Variants in RGS6 observed in about 807,000 individuals in gnomAD.
RGS6 encodes the protein regulator of G protein signaling 6.
A neutral mutation model predicts 78.5 loss-of-function variants in RGS6; 30 were observed. The observed-to-expected ratio is 0.38, with a 90% confidence interval of 0.29 to 0.52. The LOEUF (loss-of-function observed/expected upper bound fraction) is 0.52, where lower values mean the gene tolerates loss of function less well. Among genes scored for constraint, RGS6 ranks in the 20% least tolerant of loss-of-function variants. The probability of loss-of-function intolerance (pLI) is 0.85; values close to 1 mark genes in which losing one functional copy is unlikely to be tolerated. For missense variants in RGS6, 495 were observed against 609.7 expected (o/e 0.81, Z 1.98); for synonymous variants, 206 against 206.0 (o/e 1.00, Z 0.00).
intron 2 of RGS6, among the ~76,000 whole-genome samples, chr14:72,032,013 A>T (rs2090976149): frequency 6.6e-6 from 1 of 152,186 alleles, no homozygotes; most frequent in Non-Finnish European, 1.5e-5. Context: ...TACTTAAACT[A>T]ATCCTAGATT....
intron 2 of RGS6, among the ~76,000 whole-genome samples, chr14:72,097,014 A>G (rs759695035): frequency 1.3e-5 from 2 of 152,172 alleles, no homozygotes; most frequent in Non-Finnish European, 2.9e-5. Context: ...TGAACCCAGA[A>G]TGTGAAGAGT....
chr14:72,480,026 T>C (rs2096336358), intron 12 of RGS6, among the ~76,000 whole-genome samples: 2 of 152,202 alleles, frequency 1.3e-5, no homozygotes, highest in African/African-American at 4.8e-5. Flanking sequence ...TCAGGTCCAG[T>C]GGTTCTAAGT....
At chr14:72,303,666 ACT>A (rs1457473478) in intron 2 of RGS6, among the ~76,000 whole-genome samples, 1 of 152,012 alleles carries the variant, frequency 6.6e-6, no homozygotes, top group Non-Finnish European at 1.5e-5. Flanking sequence ...GCAGAAATGG[ACT>A]CTTTTTTACC....
At chr14:71,997,944 A>G (rs1275298728) in intron 2 of RGS6, among the ~76,000 whole-genome samples, 2 of 152,222 alleles carry the variant, frequency 1.3e-5, no homozygotes, top group African/African-American at 2.4e-5. Context: ...AATCTGAGAT[A>G]GGTCTCAGTT....
intron 2 of RGS6, among the ~76,000 whole-genome samples, chr14:72,010,268 A>G (rs893139935): frequency 2.0e-5 from 3 of 152,162 alleles, no homozygotes; most frequent in African/African-American, 2.4e-5. Flanking sequence ...CTCTTACTCT[A>G]TCATATGATT....
intron 2 of RGS6, among the ~76,000 whole-genome samples, chr14:72,173,498 A>G (rs1158842685): frequency 3.3e-5 from 5 of 152,320 alleles, no homozygotes; most frequent in African/African-American, 1.2e-4. Flanking sequence ...ATCAGATGCC[A>G]TCTTCATGCT....
chr14:71,873,709 C>T, the RGS6 span, among the ~76,000 whole-genome samples: 1 of 152,252 alleles, frequency 6.6e-6, no homozygotes, highest in Non-Finnish European at 1.5e-5. Context: ...GTCATGAAGT[C>T]CTTGCCCATG....
At chr14:72,222,053 T>C (rs2046996872) in intron 2 of RGS6, among the ~76,000 whole-genome samples, 1 of 152,268 alleles carries the variant, frequency 6.6e-6, no homozygotes, top group South Asian at 2.1e-4. Context: ...TGGATTTGAC[T>C]TCTCATGTAA....
chr14:72,092,528 C>A (rs557128425), intron 2 of RGS6, among the ~76,000 whole-genome samples: 1 of 152,068 alleles, frequency 6.6e-6, no homozygotes, highest in South Asian at 2.1e-4. Flanking sequence ...ATTACAGGCA[C>A]CTGCCACCAC....
the RGS6 span, among the ~76,000 whole-genome samples, chr14:71,886,986 C>T: frequency 0.023 from 3,513 of 152,164 alleles, 144 homozygotes; most frequent in African/African-American, 0.08. Context: ...CCCATCTCTA[C>T]TAAAAATACA....
intron 2 of RGS6, among the ~76,000 whole-genome samples, chr14:72,147,007 A>G (rs2096615204): frequency 6.6e-6 from 1 of 152,182 alleles, no homozygotes; most frequent in Non-Finnish European, 1.5e-5. Context: ...CCAGTTTCCA[A>G]TACACTGTTC....
intron 5 of RGS6, 106 bp from the exon 6 acceptor site, chr14:72,459,526 A>G: frequency 1.0e-6 from 1 of 1,002,676 alleles, no homozygotes; most frequent in Non-Finnish European, 1.6e-6. Flanking sequence ...CATCAGCAAG[A>G]AGGAGATGGG....
intron 2 of RGS6, among the ~76,000 whole-genome samples, chr14:72,219,429 G>C (rs1345184597): frequency 6.6e-6 from 1 of 152,094 alleles, no homozygotes; most frequent in East Asian, 1.9e-4. Flanking sequence ...TAAAATATTT[G>C]TGAAATTTTA....
chr14:72,571,077 G>C (rs1353600894), downstream of RGS6, among the ~76,000 whole-genome samples: 1 of 152,114 alleles, frequency 6.6e-6, no homozygotes, highest in African/African-American at 2.4e-5. Flanking sequence ...AAATTAGAGG[G>C]TCCTGTGATG....
the RGS6 span, among the ~76,000 whole-genome samples, chr14:72,599,393 C>G: frequency 1.3e-5 from 1 of 78,226 alleles, no homozygotes; most frequent in African/African-American, 5.6e-5. Context: ...CTTTTCTTTC[C>G]TTTTTTTTTT....
chr14:72,391,254 C>G (rs1220618441), intron 3 of RGS6, among the ~76,000 whole-genome samples: 2 of 98,682 alleles, frequency 2.0e-5, no homozygotes, highest in African/African-American at 1.8e-4. Flanking sequence ...GAAATTCAAA[C>G]TTCAAGAAAA....
At chr14:72,239,476 A>G (rs1161510827) in intron 2 of RGS6, among the ~76,000 whole-genome samples, 1 of 152,140 alleles carries the variant, frequency 6.6e-6, no homozygotes, top group Non-Finnish European at 1.5e-5. Context: ...CTGAATTATC[A>G]TTTTTAGAGA....
At chr14:72,619,597 C>G in the RGS6 span, among the ~76,000 whole-genome samples, 1 of 152,306 alleles carries the variant, frequency 6.6e-6, no homozygotes, top group Admixed American at 6.5e-5. Flanking sequence ...TGCCTCCAAA[C>G]TAGTGTCGCC....
intron 8 of RGS6, 30 bp from the exon 9 acceptor site, chr14:72,472,842 C>G (rs1192142669): frequency 3.3e-6 from 5 of 1,517,144 alleles, no homozygotes; most frequent in Non-Finnish European, 4.5e-6. Context: ...TACAGAGCTT[C>G]TTATTTCCTT....
Sources: gnomAD v4.1 joint callset for allele counts (sites outside exome capture counted in the v4.1 genomes callset) on GRCh38, gnomAD v4.1.1 for gene constraint, MANE v1.5 for transcripts, NCBI Gene and HGNC (gene_info 2026-07-23, HGNC 2026-07-21) for gene names.